Variants in UBAC2 observed in about 807,000 individuals in gnomAD.
UBAC2 encodes UBA domain containing 2.
Under a neutral mutation model 44.0 loss-of-function variants are expected in UBAC2, and 26 were observed. The observed-to-expected ratio is 0.59, with a 90% CI of 0.43 to 0.82. The LOEUF (loss-of-function observed/expected upper bound fraction) is 0.82. Ranked by LOEUF, UBAC2 falls within the 40% of genes least tolerant of loss-of-function variation. The pLI is 0.00. For missense variants in UBAC2, 329 were observed against 419.4 expected, an observed-to-expected ratio of 0.78 and a Z score of 1.88; for synonymous variants, 155 against 154.3, an observed-to-expected ratio of 1.00 and a Z score of -0.04.
chr13:99,201,153 C>T (rs1449549497), intron 1 of UBAC2: 3 of 1,361,508 alleles, frequency 2.2e-6, no homozygotes, highest in Non-Finnish European at 1.9e-6. Flanking sequence ...CAAAGCCCCG[C>T]CGCCCGCCCC....
chr13:99,257,848 T>C (rs542855618), intron 4 of UBAC2, among the ~76,000 whole-genome samples: 1 of 152,352 alleles, frequency 6.6e-6, no homozygotes, highest in South Asian at 2.1e-4. Flanking sequence ...TAAAGCAATA[T>C]TGAAAATAAA....
chr13:99,255,980 G>A, intron 4 of UBAC2: 2 of 1,045,426 alleles, frequency 1.9e-6, no homozygotes, highest in Non-Finnish European at 2.7e-6. Flanking sequence ...CTCCCACTCA[G>A]CTTGACTGCC....
chr13:99,360,969 C>A (rs1180120636), intron 7 of UBAC2, among the ~76,000 whole-genome samples: 1 of 152,212 alleles, frequency 6.6e-6, no homozygotes, highest in Non-Finnish European at 1.5e-5. Flanking sequence ...CACCCGTGAG[C>A]TCTTCTGGCT....
At chr13:99,384,451 G>A (rs1361282156) in intron 8 of UBAC2, among the ~76,000 whole-genome samples, 3 of 152,222 alleles carry the variant, frequency 2.0e-5, no homozygotes, top group Non-Finnish European at 4.4e-5. Flanking sequence ...ACTGGAGACT[G>A]CCTGTAGAGA....
At chr13:99,314,000 T>C (rs998878474) in intron 4 of UBAC2, 97 bp from the exon 5 acceptor site, 10 of 1,188,710 alleles carry the variant, frequency 8.4e-6, no homozygotes, top group African/African-American at 1.5e-5. Context: ...GCTTTCAGAC[T>C]GAAATAAAAT....
chr13:99,304,840 C>A (rs1198401701), intron 4 of UBAC2, among the ~76,000 whole-genome samples: 7 of 152,174 alleles, frequency 4.6e-5, no homozygotes, highest in Admixed American at 3.9e-4. Flanking sequence ...TACATTTTAT[C>A]TCCTATTTCC....
chr13:99,383,448 A>C (rs2045577372), intron 8 of UBAC2, among the ~76,000 whole-genome samples: 1 of 152,210 alleles, frequency 6.6e-6, no homozygotes, highest in South Asian at 2.1e-4. Flanking sequence ...GGGAAAACAA[A>C]CTAGAAGGTT....
At chr13:99,242,726 C>G (rs1362153266) in intron 2 of UBAC2, among the ~76,000 whole-genome samples, 3 of 120,516 alleles carry the variant, frequency 2.5e-5, no homozygotes, top group Admixed American at 8.8e-5. Flanking sequence ...CTGGCCTGGC[C>G]GGGGCTGACC....
At chr13:99,342,986 C>T (rs577105765) in intron 7 of UBAC2, among the ~76,000 whole-genome samples, 2 of 152,350 alleles carry the variant, frequency 1.3e-5, no homozygotes, top group South Asian at 4.1e-4. Flanking sequence ...GTTTTCCCCT[C>T]TGTCACTTGG....
At chr13:99,264,986 ATTGT>A (rs1371170343) in intron 4 of UBAC2, among the ~76,000 whole-genome samples, 82 of 143,136 alleles carry the variant, frequency 5.7e-4, no homozygotes, top group African/African-American at 2.1e-3. Flanking sequence ...TTTTTTTTTA[ATTGT>A]TCTTCAGTGT....
At chr13:99,236,944 C>T (rs939483249) in intron 1 of UBAC2, among the ~76,000 whole-genome samples, 7 of 150,380 alleles carry the variant, frequency 4.7e-5, no homozygotes, top group African/African-American at 1.7e-4. Flanking sequence ...TAAATTAGTA[C>T]AGTCACGATG....
intron 8 of UBAC2, among the ~76,000 whole-genome samples, chr13:99,368,762 G>C (rs2045367825): frequency 6.6e-6 from 1 of 150,948 alleles, no homozygotes; most frequent in African/African-American, 2.4e-5. Context: ...GGGCTCAGAA[G>C]CAGTGGCCTC....
chr13:99,380,554 T>G (rs1866046738), intron 8 of UBAC2, among the ~76,000 whole-genome samples: 1 of 152,204 alleles, frequency 6.6e-6, no homozygotes, highest in Non-Finnish European at 1.5e-5. Context: ...TTGGCTAACT[T>G]GCACGGCTGT....
At chr13:99,370,317 A>G (rs1246197346) in intron 8 of UBAC2, among the ~76,000 whole-genome samples, 1 of 152,216 alleles carries the variant, frequency 6.6e-6, no homozygotes, top group Admixed American at 6.5e-5. Flanking sequence ...GAAAGCAGCT[A>G]TGGCCAAATA....
At chr13:99,306,295 A>T (rs963881707) in intron 4 of UBAC2, among the ~76,000 whole-genome samples, 10 of 152,168 alleles carry the variant, frequency 6.6e-5, no homozygotes, top group Non-Finnish European at 1.5e-4. Flanking sequence ...GATGGGAGAC[A>T]GTTTTTTAGC....
At chr13:99,320,392 T>TAG (rs1420668813) in intron 6 of UBAC2, among the ~76,000 whole-genome samples, 1 of 152,184 alleles carries the variant, frequency 6.6e-6, no homozygotes, top group Admixed American at 6.5e-5. Context: ...GAAGGGTGAA[T>TAG]AGAATTACAG....
chr13:99,301,283 T>G (rs2044253236), intron 4 of UBAC2, among the ~76,000 whole-genome samples: 1 of 152,238 alleles, frequency 6.6e-6, no homozygotes, highest in Non-Finnish European at 1.5e-5. Context: ...AACAGGGCCC[T>G]GTCGGCCTTC....
At chr13:99,299,102 T>C (rs549038067) in intron 4 of UBAC2, among the ~76,000 whole-genome samples, 102 of 152,298 alleles carry the variant, frequency 6.7e-4, no homozygotes, top group African/African-American at 2.3e-3. Context: ...GTAACACTTA[T>C]GTGACACTCA....
chr13:99,349,031 G>C (rs903354605), intron 7 of UBAC2, among the ~76,000 whole-genome samples: 3 of 152,182 alleles, frequency 2.0e-5, no homozygotes, highest in Admixed American at 1.3e-4. Flanking sequence ...TGAAAATTCT[G>C]TGTGCTCAGG....
Sources: gnomAD v4.1 joint callset for allele counts (sites outside exome capture counted in the v4.1 genomes callset) on GRCh38, gnomAD v4.1.1 for gene constraint, MANE v1.5 for transcripts, NCBI Gene and HGNC (gene_info 2026-07-23, HGNC 2026-07-21) for gene names.